Variants in PDE4D observed in about 807,000 individuals in gnomAD.
PDE4D encodes 3',5'-cyclic-AMP phosphodiesterase 4D.
Under a neutral mutation model 87.4 loss-of-function variants are expected in PDE4D, and 24 were observed. The observed-to-expected ratio is 0.27, with a 90% CI of 0.20 to 0.39. PDE4D has a LOEUF of 0.39. PDE4D is among the 10% of genes least tolerant of loss of function. The pLI is 1.00. For missense variants in PDE4D, 714 were observed against 1,041.0 expected, an observed-to-expected ratio of 0.69 and a Z score of 4.32; for synonymous variants, 384 against 383.2, an observed-to-expected ratio of 1.00 and a Z score of -0.02.
At chr5:59,771,550 G>GAAAAAAAGAAAGAA (rs55740320) in intron 1 of PDE4D, among the ~76,000 whole-genome samples, 1 of 134,652 alleles carries the variant, frequency 7.4e-6, no homozygotes, top group African/African-American at 3.1e-5. Context: ...AAGAAAGAAA[G>GAAAAAAAGAAAGAA]AAAAGAAAGA....
chr5:60,220,280 T>G (rs1744349974), intron 1 of PDE4D, among the ~76,000 whole-genome samples: 1 of 152,138 alleles, frequency 6.6e-6, no homozygotes, highest in African/African-American at 2.4e-5. Context: ...GACACTAACC[T>G]AACAGCATTT....
intron 1 of PDE4D, among the ~76,000 whole-genome samples, chr5:59,301,246 C>G (rs547572961): frequency 3.3e-5 from 5 of 152,208 alleles, no homozygotes; most frequent in African/African-American, 9.6e-5. Flanking sequence ...CAGGGGCCTG[C>G]CCCTGAGGCC....
At chr5:59,989,087 CAT>C (rs541522751) in intron 2 of PDE4D, among the ~76,000 whole-genome samples, 3,087 of 100,382 alleles carry the variant, frequency 0.031, 63 homozygotes, top group East Asian at 0.12. Context: ...ATGCATGTGT[CAT>C]ATATATATAT....
At chr5:59,815,673 A>T (rs72751273) in intron 1 of PDE4D, among the ~76,000 whole-genome samples, 34,045 of 151,992 alleles carry the variant, frequency 0.22, 4,814 homozygotes, top group Admixed American at 0.33. Flanking sequence ...GGGCCAGGAG[A>T]ATGCTACAGA....
chr5:59,572,018 ATTGAATTTGTGC>A (rs1361421039), intron 1 of PDE4D, among the ~76,000 whole-genome samples: 1 of 152,126 alleles, frequency 6.6e-6, no homozygotes, highest in Non-Finnish European at 1.5e-5. Context: ...TTCCTTATGA[ATTGAATTTGTGC>A]TTGAAACATT....
chr5:60,472,142 T>C (rs1747862148), intron 1 of PDE4D, among the ~76,000 whole-genome samples: 1 of 152,164 alleles, frequency 6.6e-6, no homozygotes. Flanking sequence ...AGCAAACACA[T>C]ACAGTGCTTA....
intron 1 of PDE4D, among the ~76,000 whole-genome samples, chr5:59,339,920 GT>G (rs1173881464): frequency 8.6e-5 from 13 of 151,272 alleles, no homozygotes; most frequent in Admixed American, 2.0e-4. Context: ...AATTTAGTGG[GT>G]TTTTTTGTTG....
intron 1 of PDE4D, among the ~76,000 whole-genome samples, chr5:60,239,456 A>C (rs1746824717): frequency 6.6e-6 from 1 of 152,130 alleles, no homozygotes; most frequent in Non-Finnish European, 1.5e-5. Flanking sequence ...TCAGATTGTC[A>C]AGTTCCTGAA....
chr5:60,440,859 T>C (rs1358906027), intron 1 of PDE4D, among the ~76,000 whole-genome samples: 3 of 151,664 alleles, frequency 2.0e-5, no homozygotes, highest in African/African-American at 7.3e-5. Context: ...CACAAAGGAG[T>C]TGAATAATTT....
intron 3 of PDE4D, among the ~76,000 whole-genome samples, chr5:59,187,103 T>G (rs957108447): frequency 2.6e-5 from 4 of 151,936 alleles, no homozygotes; most frequent in Admixed American, 2.6e-4. Context: ...TTCATTGCAG[T>G]TGACAGCTGG....
intron 1 of PDE4D, among the ~76,000 whole-genome samples, chr5:59,478,937 G>A (rs531061744): frequency 6.6e-6 from 1 of 152,074 alleles, no homozygotes; most frequent in South Asian, 2.1e-4. Flanking sequence ...TTAGTAATAA[G>A]TATCTTAAAA....
Position 59,249,283 on chromosome 5 carries a change from T to C in PDE4D, c.456-33315A>G, listed in dbSNP as rs574385919. Among the ~76,000 whole-genome samples, 5 of 152,246 alleles carry C rather than the reference T, an allele frequency of 3.3e-5. No individual in the cohort carries two copies. In the South Asian group the frequency reaches 1.0e-3, roughly 32 times the overall value. ...ACTGAAATACCACTTTAACCTAATA[T>C]GTGGATAAAGATTTTTTTTAATGAA... On this transcript the variant is annotated intron_variant, in intron 1 of 14. Transcript: ENST00000340635.
intron 1 of PDE4D, among the ~76,000 whole-genome samples, chr5:59,665,148 A>G (rs1238057722): frequency 6.6e-6 from 1 of 152,224 alleles, no homozygotes; most frequent in Non-Finnish European, 1.5e-5. Context: ...TGGGGTAGCA[A>G]CAGTCAATTT....
At chr5:59,663,251 G>A (rs298054) in intron 1 of PDE4D, among the ~76,000 whole-genome samples, 53,616 of 151,564 alleles carry the variant, frequency 0.35, 11,037 homozygotes, top group East Asian at 0.69. Context: ...TGCGACCTCT[G>A]CCTCCTGGGT....
At chr5:59,587,373 AT>A in intron 1 of PDE4D, 1 of 864,290 alleles carries the variant, frequency 1.2e-6, no homozygotes, top group Non-Finnish European at 1.4e-6. Flanking sequence ...TTCACCCCAA[AT>A]TCAGTTTTCC....
chr5:59,771,494 AG>A (rs1279435923), intron 1 of PDE4D, among the ~76,000 whole-genome samples: 671 of 23,490 alleles, frequency 0.029, 6 homozygotes, highest in Middle Eastern at 0.06. Flanking sequence ...AGAGAGAGAG[AG>A]AGAGAAGAAA....
intron 1 of PDE4D, among the ~76,000 whole-genome samples, chr5:59,269,490 C>T (rs980222496): frequency 6.6e-6 from 1 of 152,078 alleles, no homozygotes; most frequent in African/African-American, 2.4e-5. Flanking sequence ...GCTACATTAC[C>T]TACGAGTTTA....
At chr5:60,012,529 T>C (rs936716531) in intron 2 of PDE4D, among the ~76,000 whole-genome samples, 2 of 152,290 alleles carry the variant, frequency 1.3e-5, no homozygotes, top group Admixed American at 1.3e-4. Context: ...AACTGAGACA[T>C]AGGAGTACCG....
intron 2 of PDE4D, among the ~76,000 whole-genome samples, chr5:60,085,170 C>T (rs1010060186): frequency 1.3e-5 from 2 of 151,936 alleles, no homozygotes; most frequent in African/African-American, 2.4e-5. Flanking sequence ...AGATTATTCA[C>T]AGGTTAATCT....
Sources: gnomAD v4.1 joint callset for allele counts (sites outside exome capture counted in the v4.1 genomes callset) on GRCh38, gnomAD v4.1.1 for gene constraint, MANE v1.5 for transcripts, NCBI Gene and HGNC (gene_info 2026-07-23, HGNC 2026-07-21) for gene names.